Variants in SIN3A observed in about 807,000 individuals in gnomAD.
SIN3A encodes SIN3 transcription regulator family member A.
Under a neutral mutation model 146.1 loss-of-function variants are expected in SIN3A, and 14 were observed. That is an observed-to-expected ratio of 0.10 (90% CI 0.06 to 0.15). SIN3A has a LOEUF of 0.15. Among genes scored for constraint, SIN3A ranks in the 10% least tolerant of loss-of-function variants. SIN3A has a pLI of 1.00. For missense variants in SIN3A, 1,028 were observed against 1,576.0 expected (o/e 0.65, Z 5.89); for synonymous variants, 572 against 572.0 (o/e 1.00, Z 0.00).
intron 20 of SIN3A, among the ~76,000 whole-genome samples, chr15:75,374,379 C>G (rs2072814525): frequency 6.6e-6 from 1 of 152,198 alleles, no homozygotes; most frequent in Non-Finnish European, 1.5e-5. Context: ...CAGCGAAACT[C>G]TGTCTCAAAA....
intron 4 of SIN3A, among the ~76,000 whole-genome samples, 176 bp from the exon 5 acceptor site, chr15:75,413,221 A>G (rs1274908565): frequency 6.6e-6 from 1 of 152,050 alleles, no homozygotes; most frequent in Middle Eastern, 3.2e-3. Flanking sequence ...CCCGAGTTCA[A>G]GTGATTCTCC....
chr15:75,416,196 T>C (rs915355040), intron 3 of SIN3A, among the ~76,000 whole-genome samples: 1 of 152,222 alleles, frequency 6.6e-6, no homozygotes, highest in East Asian at 1.9e-4. Context: ...CACTTCATTG[T>C]TGTTTTGGTG....
At chr15:75,430,998 G>A (rs929698663) in intron 1 of SIN3A, among the ~76,000 whole-genome samples, 5 of 152,008 alleles carry the variant, frequency 3.3e-5, no homozygotes, top group Admixed American at 2.6e-4. Flanking sequence ...GGATGGTCTC[G>A]ATCTCCTGAC....
intron 15 of SIN3A, among the ~76,000 whole-genome samples, chr15:75,390,169 C>G (rs2073171822): frequency 6.6e-6 from 1 of 152,174 alleles, no homozygotes; most frequent in African/African-American, 2.4e-5. Flanking sequence ...GAGAGAGGAA[C>G]CTACTCTCCC....
At chr15:75,430,820 A>T (rs2074001544) in intron 1 of SIN3A, among the ~76,000 whole-genome samples, 1 of 151,500 alleles carries the variant, frequency 6.6e-6, no homozygotes, top group African/African-American at 2.4e-5. Context: ...TCTGTTGCCC[A>T]GGCTGAGTGC....
intron 3 of SIN3A, among the ~76,000 whole-genome samples, chr15:75,416,630 T>C (rs1200345626): frequency 3.3e-5 from 5 of 152,156 alleles, no homozygotes; most frequent in Non-Finnish European, 7.4e-5. Flanking sequence ...CCAGCCTAGA[T>C]TCCCTGACTT....
At chr15:75,432,859 A>T (rs1474509056) in intron 1 of SIN3A, among the ~76,000 whole-genome samples, 2 of 152,058 alleles carry the variant, frequency 1.3e-5, no homozygotes, top group African/African-American at 4.8e-5. Context: ...CCAGGCCAAC[A>T]TGGTGAAACC....
intron 4 of SIN3A, 75 bp from the exon 5 acceptor site, chr15:75,413,120 T>C (rs969587315): frequency 6.8e-7 from 1 of 1,461,876 alleles, no homozygotes; most frequent in Admixed American, 2.4e-5. Context: ...TTTCATGTTT[T>C]TTTTTCTTTT....
rs1595883400 is a variant in SIN3A at position 75,371,682 on chromosome 15, G to C, written c.*297C>G. The C allele has an allele frequency of 5.3e-6, 2 of 378,030 alleles. No homozygotes were observed. The highest frequency in any genetic ancestry group is 9.8e-5 in the South Asian group (2 of 20,436). 23.4% of individuals were successfully genotyped at this position (378,030 alleles called of 1,614,324 possible). A position where few individuals can be genotyped will look rare whatever the true frequency, so the allele number is the denominator to read the frequency against. ...GGAGACTCCAGTCTTAGCTCTGCTGGTGTGTGCAAGCAAACTGCATGTCTT... is the reference window on the plus strand; with the variant it reads ...GGAGACTCCAGTCTTAGCTCTGCTGCTGTGTGCAAGCAAACTGCATGTCTT... On this transcript the variant is annotated 3_prime_UTR_variant, in exon 21 of 21. Transcript: ENST00000394947.
At chr15:75,454,606 A>G (rs1267399257), upstream of SIN3A, among the ~76,000 whole-genome samples, 13 of 150,828 alleles carry the variant, frequency 8.6e-5, no homozygotes, top group Non-Finnish European at 1.9e-4. Context: ...CCCGATTCCG[A>G]GCGTGGAGAC....
At chr15:75,379,827 T>TAC (rs1424302494) in intron 19 of SIN3A, among the ~76,000 whole-genome samples, 1 of 152,240 alleles carries the variant, frequency 6.6e-6, no homozygotes, top group East Asian at 1.9e-4. Context: ...AATCTGCCTA[T>TAC]ACACAGAGGG....
intron 19 of SIN3A, among the ~76,000 whole-genome samples, chr15:75,378,944 A>G (rs1041908125): frequency 6.6e-6 from 1 of 151,578 alleles, no homozygotes; most frequent in Non-Finnish European, 1.5e-5. Flanking sequence ...TCGGTCACCC[A>G]GGCTGGAGTG....
At position 75,392,579 on chromosome 15, in the gene SIN3A, T is replaced by C; in HGVS notation, c.2514A>G (p.Glu838=). 6.2e-7 allele frequency: 1 copy of C among 1,614,138 alleles called. No homozygotes were observed. The highest frequency in any genetic ancestry group is 1.1e-5 in the South Asian group (1 of 91,086). The part of the protein sequence containing the change: ...RGDLSDVEEE[E]EEEMDVDEAT... ...CTTCATCTACATCCATCTCTTCTTC[T>C]TCCTCTTCCTCCACATCTGAGAGAT... Residue 838 remains glutamate (E), a synonymous_variant, in exon 15 of 21, where the codon GAA becomes GAG. Transcript: ENST00000394947.
At chr15:75,450,609 G>C (rs2074385964) in intron 1 of SIN3A, among the ~76,000 whole-genome samples, 1 of 152,196 alleles carries the variant, frequency 6.6e-6, no homozygotes. Context: ...CCACTCTCCT[G>C]GCTGCACGGT....
chr15:75,454,298 G>A (rs2074456032), upstream of SIN3A, among the ~76,000 whole-genome samples: 1 of 152,234 alleles, frequency 6.6e-6, no homozygotes. Context: ...AGAGAAGGCG[G>A]GGCCTCCGGG....
At chr15:75,438,877 T>C (rs1031709037) in intron 1 of SIN3A, among the ~76,000 whole-genome samples, 1 of 152,238 alleles carries the variant, frequency 6.6e-6, no homozygotes, top group Admixed American at 6.5e-5. Flanking sequence ...CCCAGTGCAA[T>C]TTTGAGTAGT....
rs756896564 is a variant in SIN3A, at chr15:75,392,481, G to A, written c.2612C>T (p.Thr871Ile). The A allele has an allele frequency of 6.2e-7, 1 of 1,614,148 alleles. No individual in the cohort carries two copies. The highest frequency in any genetic ancestry group is 8.5e-7 in the Non-Finnish European group (1 of 1,180,006). ...CATTCCTCTTAATTTTTGAGCTGCT[G>A]TGTTACTAAACAGTAACTTGGACTT... is the stretch of plus-strand genomic sequence containing the variant. ...PPKSKLLFSN[T>I]AAQKLRGMDE... Residue 871 changes from threonine to isoleucine, a missense_variant, in exon 15 of 21, where the codon ACA becomes ATA. Physicochemically the swap from Thr to Ile is moderately conservative, Grantham distance 89 (BLOSUM62 -1). Transcript: ENST00000394947.
chr15:75,445,813 T>C (rs910012377), intron 1 of SIN3A, among the ~76,000 whole-genome samples: 1 of 146,770 alleles, frequency 6.8e-6, no homozygotes, highest in Non-Finnish European at 1.5e-5. Flanking sequence ...TTACAAAGAA[T>C]AGAACTTGAG....
rs540494313 is a variant in SIN3A at position 75,404,279 on chromosome 15, T to A, written c.1408-2309A>T. On this transcript the variant is annotated intron_variant, in intron 9 of 20. Coordinates refer to ENST00000394947, the MANE Select transcript of SIN3A (RefSeq NM_001145358.2). ...TGTATACCCTATTTACCTTTACTTT[T>A]TATTAGCTTTTAAACATACACAAAA... Among the ~76,000 whole-genome samples, 7 of 152,346 alleles carry A rather than the reference T, an allele frequency of 4.6e-5. No individual in the cohort carries two copies. The East Asian group carries it at 1.3e-3, about 29-fold the overall frequency.
Sources: allele counts gnomAD v4.1 joint callset (sites outside exome capture counted in the v4.1 genomes callset), GRCh38; gene constraint gnomAD v4.1.1; transcripts MANE v1.5; gene names NCBI Gene and HGNC (gene_info 2026-07-23, HGNC 2026-07-21).